The following PRH1 variants were observed in gnomAD, a reference collection of about 807,000 sequenced individuals.
PRH1 encodes salivary acidic proline-rich phosphoprotein 1/2.
A neutral mutation model predicts 7.9 loss-of-function variants in PRH1; 7 were observed. The observed-to-expected ratio is 0.89, with a 90% CI of 0.50 to 1.67. The LOEUF (loss-of-function observed/expected upper bound fraction) is 1.67, where lower values mean the gene tolerates loss of function less well. PRH1 is among the 40% of genes most tolerant of loss of function. The probability of loss-of-function intolerance (pLI) is 0.00; values close to 1 mark genes in which losing one functional copy is unlikely to be tolerated. For synonymous variants in PRH1, 45 were observed against 80.8 expected (o/e 0.56, Z 2.38); for missense variants, 109 against 223.6 (o/e 0.49, Z 3.27).
In PRH1 at chr12:11,104,960, C is replaced by T. The variant is rs145082168; in HGVS notation, n.124-57772G>A. Among the ~76,000 whole-genome samples, 565 of 151,778 alleles carry T rather than the reference C, an allele frequency of 3.7e-3. 6 individuals carry two copies. The highest frequency in any genetic ancestry group is 0.012 in the African/African-American group (510 of 41,492). On this transcript the variant is annotated intron_variant and non_coding_transcript_variant, in intron 1 of 4. Coordinates refer to the PRH1 transcript ENST00000541977. ...AATCTTTTTCATTCTATGACTATTTCATATACACTTATTAATAATGCCTTA... is the reference window on the plus strand; with the variant it reads ...AATCTTTTTCATTCTATGACTATTTTATATACACTTATTAATAATGCCTTA...
intron 1 of PRH1, among the ~76,000 whole-genome samples, chr12:11,038,766 G>A (rs1376614633): frequency 2.0e-5 from 3 of 152,222 alleles, no homozygotes; most frequent in Non-Finnish European, 4.4e-5. Flanking sequence ...TATGTATTCT[G>A]ATAAGAGTAT....
intron 2 of PRH1, among the ~76,000 whole-genome samples, chr12:10,907,043 C>T (rs1353207297): frequency 1.3e-5 from 2 of 152,144 alleles, no homozygotes; most frequent in Non-Finnish European, 2.9e-5. Flanking sequence ...GATGAGATGC[C>T]ATTACATTCT....
At chr12:10,937,411 A>G (rs1166619644) in intron 2 of PRH1, 1 of 152,138 alleles carries the variant, frequency 6.6e-6, no homozygotes, top group Non-Finnish European at 1.5e-5. Context: ...AAAATTTGAT[A>G]GTTTTTAACA....
chr12:11,065,826 C>T (rs1943784344), intron 1 of PRH1, among the ~76,000 whole-genome samples: 1 of 152,168 alleles, frequency 6.6e-6, no homozygotes, highest in Non-Finnish European at 1.5e-5. Flanking sequence ...CATTCTCCTG[C>T]AACTTGGAAG....
chr12:11,018,052 C>T (rs2136058765), intron 1 of PRH1, among the ~76,000 whole-genome samples: 1 of 152,266 alleles, frequency 6.6e-6, no homozygotes, highest in Middle Eastern at 3.4e-3. Context: ...ATCTCTACAG[C>T]AGATACAGGG....
chr12:11,105,583 G>A (rs912235633), intron 1 of PRH1, among the ~76,000 whole-genome samples: 1 of 152,096 alleles, frequency 6.6e-6, no homozygotes, highest in Non-Finnish European at 1.5e-5. Flanking sequence ...TTCCATATTG[G>A]TGTTGAAGTG....
chr12:10,938,763 T>C (rs1051248247), intron 2 of PRH1: 1 of 1,613,866 alleles, frequency 6.2e-7, no homozygotes, highest in Middle Eastern at 1.7e-4. Context: ...ATATGGATGT[T>C]TATCAGTGCA....
intron 1 of PRH1, among the ~76,000 whole-genome samples, chr12:11,021,378 C>T (rs1252126311): frequency 1.3e-5 from 2 of 152,056 alleles, no homozygotes; most frequent in Non-Finnish European, 2.9e-5. Context: ...ATAAATTCTT[C>T]AAATGAAATA....
chr12:11,036,079 G>C (rs1942423528), intron 1 of PRH1, among the ~76,000 whole-genome samples: 1 of 152,144 alleles, frequency 6.6e-6, no homozygotes, highest in Non-Finnish European at 1.5e-5. Context: ...ATTTTTAGTA[G>C]AGACAGGGTT....
In PRH1 at chr12:11,134,319, C is replaced by T. The variant is rs1946484791; in HGVS notation, n.40-13139G>A. On this transcript the variant is annotated intron_variant and non_coding_transcript_variant, in intron 1 of 1. Coordinates refer to the PRH1 transcript ENST00000541175. ...GTTGTGATTGCTTGAATATCCTGAC[C>T]TTAAATTCTATATGCACCTGATTTG... is the stretch of plus-strand genomic sequence containing the variant. 4 of 1,333,224 alleles carry T rather than the reference C, an allele frequency of 3.0e-6. No homozygotes were observed. In the South Asian group the frequency reaches 6.3e-5, roughly 21 times the overall value. The allele number at this position is 1,333,224 out of a possible 1,614,324, so 82.6% of individuals were successfully genotyped here. A position where few individuals can be genotyped will look rare whatever the true frequency, so the allele number is the denominator to read the frequency against.
Position 11,020,052 on chromosome 12 carries a change from A to G in PRH1, c.-126+26968T>C, listed in dbSNP as rs187011506. ...GCTGCATCAAAGCTATATTACAGTGATATTTCCCCTAGAATTGTGGACTAG... is the reference window on the plus strand; with the variant it reads ...GCTGCATCAAAGCTATATTACAGTGGTATTTCCCCTAGAATTGTGGACTAG... On this transcript the variant is annotated intron_variant, in intron 1 of 3. Transcript: ENST00000539853. Among the ~76,000 whole-genome samples the G allele has an allele frequency of 1.6e-3, 241 of 152,408 alleles. 1 individual carries two copies. The highest frequency in any genetic ancestry group is 4.8e-3 in the African/African-American group (201 of 41,596).
chr12:11,161,225 C>T (rs1468830051), intron 1 of PRH1, among the ~76,000 whole-genome samples: 3 of 152,188 alleles, frequency 2.0e-5, no homozygotes, highest in Non-Finnish European at 4.4e-5. Flanking sequence ...TGAATAACTA[C>T]ATAGGGAAGG....
chr12:11,054,431 C>G (rs34176301), intron 1 of PRH1, among the ~76,000 whole-genome samples: 32,099 of 152,034 alleles, frequency 0.21, 3,955 homozygotes, highest in Non-Finnish European at 0.27. Flanking sequence ...CAGCTACTGT[C>G]ACAAAATCTG....
intron 1 of PRH1, among the ~76,000 whole-genome samples, chr12:11,096,591 G>C (rs1418612739): frequency 8.7e-6 from 1 of 114,958 alleles, no homozygotes; most frequent in Non-Finnish European, 2.0e-5. Flanking sequence ...ATGAAACTCG[G>C]AAAAAACTGG....
At chr12:11,116,130 A>C (rs916055553), downstream of PRH1, among the ~76,000 whole-genome samples, 1 of 152,048 alleles carries the variant, frequency 6.6e-6, no homozygotes, top group East Asian at 1.9e-4. Flanking sequence ...GAAAAGTTAA[A>C]CAACATTGAC....
chr12:11,136,431 G>A (rs936740373), intron 1 of PRH1, among the ~76,000 whole-genome samples: 2 of 152,098 alleles, frequency 1.3e-5, no homozygotes, highest in African/African-American at 4.8e-5. Context: ...TTCTACTAGA[G>A]AATTCTTTCA....
chr12:11,033,600 C>G (rs868682123), intron 1 of PRH1, among the ~76,000 whole-genome samples: 42 of 151,992 alleles, frequency 2.8e-4, no homozygotes, highest in Middle Eastern at 3.4e-3. Flanking sequence ...CCTGTGAGGT[C>G]GATAATTAAG....
chr12:10,956,934 C>T (rs561643608), intron 2 of PRH1, among the ~76,000 whole-genome samples: 11 of 152,060 alleles, frequency 7.2e-5, no homozygotes, highest in South Asian at 2.1e-4. Flanking sequence ...AACGGGAAAA[C>T]GTTCCAGGTG....
intron 2 of PRH1, among the ~76,000 whole-genome samples, chr12:10,918,219 G>A (rs1461234381): frequency 6.6e-6 from 1 of 152,024 alleles, no homozygotes; most frequent in Non-Finnish European, 1.5e-5. Flanking sequence ...GGGCATGTTG[G>A]GGCAGGACGG....
Sources: allele counts gnomAD v4.1 joint callset (sites outside exome capture counted in the v4.1 genomes callset), GRCh38; gene constraint gnomAD v4.1.1; transcripts MANE v1.5; gene names NCBI Gene and HGNC (gene_info 2026-07-23, HGNC 2026-07-21).